EEF2K: variants seen among roughly 807,000 people sequenced by gnomAD.
EEF2K encodes alternative protein EEF2K.
A neutral mutation model predicts 93.8 loss-of-function variants in EEF2K; 70 were observed. The observed-to-expected ratio is 0.75, with a 90% confidence interval of 0.62 to 0.91. EEF2K has a LOEUF of 0.91. Among genes scored for constraint, EEF2K ranks in the 40% least tolerant of loss-of-function variants. The pLI, the probability that EEF2K is intolerant of heterozygous loss-of-function variation, is 0.00. For missense variants in EEF2K, 935 were observed against 972.9 expected, an observed-to-expected ratio of 0.96 and a Z score of 0.52; for synonymous variants, 376 against 380.8, an observed-to-expected ratio of 0.99 and a Z score of 0.15.
intron 2 of EEF2K, among the ~76,000 whole-genome samples, chr16:22,231,513 G>A (rs1327579309): frequency 6.6e-6 from 1 of 152,088 alleles, no homozygotes; most frequent in Non-Finnish European, 1.5e-5. Flanking sequence ...GTTAGTGGCA[G>A]TTCTCTCTAT....
At chr16:22,216,987 C>T (rs1190148751) in intron 1 of EEF2K, among the ~76,000 whole-genome samples, 1 of 151,332 alleles carries the variant, frequency 6.6e-6, no homozygotes, top group African/African-American at 2.4e-5. Flanking sequence ...TGGTGAAATC[C>T]CATCTCAACA....
chr16:22,233,659 A>G (rs543451518), intron 2 of EEF2K, among the ~76,000 whole-genome samples: 2 of 152,290 alleles, frequency 1.3e-5, no homozygotes, highest in Admixed American at 6.5e-5. Flanking sequence ...CCTTTAGCCT[A>G]GGCAACAGAG....
Position 22,236,846 on chromosome 16 carries a change from T to G in EEF2K, c.247-7784T>G, listed in dbSNP as rs187854171. On this transcript the variant is annotated intron_variant, in intron 2 of 17. Coordinates refer to ENST00000263026, the MANE Select transcript of EEF2K (RefSeq NM_013302.5). ...GATTTCACTATTATTTATTTTTATT[T>G]TGTACTCTCAGACTTTGAAGAACCA... 1.7e-3 allele frequency among the ~76,000 whole-genome samples: 256 copies of G among 151,864 alleles called. 2 individuals are homozygous for G. The highest frequency in any genetic ancestry group is 6.0e-3 in the African/African-American group (249 of 41,446).
intron 2 of EEF2K, among the ~76,000 whole-genome samples, chr16:22,238,252 A>G (rs1598176880): frequency 6.6e-6 from 1 of 152,004 alleles, no homozygotes; most frequent in Non-Finnish European, 1.5e-5. Context: ...GCGCCACTGC[A>G]CTCCAGCCTG....
At chr16:22,236,934 C>CTTTTTTTTTTT (rs71151665) in intron 2 of EEF2K, among the ~76,000 whole-genome samples, 1 of 56,174 alleles carries the variant, frequency 1.8e-5, no homozygotes. Context: ...CCACAGACCT[C>CTTTTTTTTTTT]TTTTTTTTTT....
chr16:22,287,960 T>C lies in EEF2K; in HGVS notation c.*3964T>C, dbSNP rs1440290744. 1 of 150,822 alleles carries C rather than the reference T, an allele frequency of 6.6e-6. No individual in the cohort carries two copies. The highest frequency in any genetic ancestry group is 2.4e-5 in the African/African-American group (1 of 40,846). The allele number at this position is 150,822 out of a possible 1,614,324, so 9.3% of individuals were successfully genotyped here. The stretch of plus-strand genomic sequence containing the variant: ...CCTCAGCCTCTCAAGTAGCTAAAAC[T>C]ACAGATGTGCACCATCACATCTGGC... On this transcript the variant is annotated 3_prime_UTR_variant, in exon 18 of 18. Coordinates refer to ENST00000263026, the MANE Select transcript of EEF2K (RefSeq NM_013302.5).
At chr16:22,278,067 C>T (rs112754964) in intron 16 of EEF2K, among the ~76,000 whole-genome samples, 1 of 151,934 alleles carries the variant, frequency 6.6e-6, no homozygotes, top group Non-Finnish European at 1.5e-5. Flanking sequence ...ATTAGCCAGG[C>T]GTGGTGACAT....
chr16:22,251,257 G>A lies in EEF2K; in HGVS notation c.553G>A (p.Val185Met), dbSNP rs759095840. Residue 185 changes from valine (V) to methionine (M), a missense_variant, in exon 6 of 18, where the codon GTG becomes ATG. Transcript: ENST00000263026. ...PVDRDVYFED[V>M]RLQMEAKLWG... is the part of the protein sequence containing the mutation. ...AGACCGGGATGTGTACTTTGAGGAC[G>A]TGCGTCTACAGATGGAGGCCAAGCT... The A allele has an allele frequency of 4.3e-6, 7 of 1,614,008 alleles. No homozygotes were observed. The East Asian group carries it at 6.7e-5, about 15-fold the overall frequency.
intron 3 of EEF2K, 41 bp from the exon 4 acceptor site, chr16:22,248,714 C>T (rs933373865): frequency 7.4e-6 from 12 of 1,610,916 alleles, no homozygotes; most frequent in East Asian, 6.7e-5. Context: ...AACAGGACCA[C>T]GTGATGGACG....
At chr16:22,271,593 G>A (rs2047583141) in intron 15 of EEF2K, among the ~76,000 whole-genome samples, 1 of 151,664 alleles carries the variant, frequency 6.6e-6, no homozygotes, top group Non-Finnish European at 1.5e-5. Flanking sequence ...CCAGCTACTT[G>A]GGAGAGTGAG....
In EEF2K at chr16:22,288,106, C is replaced by T. The variant is rs11863455; in HGVS notation, c.*4110C>T. The T allele has an allele frequency of 0.19, 29,324 of 152,020 alleles. 5,421 individuals are homozygous for T. Among genetic ancestry groups the T allele is most frequent in the African/African-American group, 0.49 (20,132 of 41,344 alleles). 9.4% of individuals were successfully genotyped at this position (152,020 alleles called of 1,614,324 possible). ...CAGGTTCAAGCGATTCTCCCTGTCT[C>T]GGCCTCCCGAGTAGCTGGGACTACA... On this transcript the variant is annotated 3_prime_UTR_variant, in exon 18 of 18. Transcript: ENST00000263026.
intron 4 of EEF2K, among the ~76,000 whole-genome samples, chr16:22,250,254 G>A (rs1471047171): frequency 2.0e-5 from 3 of 152,084 alleles, no homozygotes; most frequent in Non-Finnish European, 2.9e-5. Context: ...GGTTTTCATC[G>A]CTGCATGGTA....
At chr16:22,222,630 G>T (rs1298336455) in intron 1 of EEF2K, among the ~76,000 whole-genome samples, 3 of 150,976 alleles carry the variant, frequency 2.0e-5, no homozygotes, top group Non-Finnish European at 4.4e-5. Context: ...AGCACTTTGG[G>T]AGGCTGAGGT....
intron 16 of EEF2K, among the ~76,000 whole-genome samples, chr16:22,275,503 C>A (rs955970902): frequency 6.6e-6 from 1 of 151,304 alleles, no homozygotes; most frequent in African/African-American, 2.4e-5. Context: ...CCACTGTACC[C>A]GGCTAATTTT....
At chr16:22,243,732 G>T (rs1254716126) in intron 2 of EEF2K, among the ~76,000 whole-genome samples, 6 of 151,138 alleles carry the variant, frequency 4.0e-5, no homozygotes, top group Non-Finnish European at 8.8e-5. Context: ...CACCAGCCTG[G>T]CCAACATGAC....
At chr16:22,252,346 C>T (rs576219836) in intron 6 of EEF2K, among the ~76,000 whole-genome samples, 14 of 152,308 alleles carry the variant, frequency 9.2e-5, no homozygotes, top group South Asian at 2.1e-4. Flanking sequence ...TCTGGGTTGG[C>T]GTCATTCTCA....
In EEF2K at chr16:22,234,877, C is replaced by CCTTT. The variant is rs1275886599; in HGVS notation, c.246+8902_246+8903insCTTT. Among the ~76,000 whole-genome samples, 19 of 90,626 alleles carry CCTTT rather than the reference C, an allele frequency of 2.1e-4. No individual in the cohort carries two copies. The East Asian group carries it at 6.3e-3, about 30-fold the overall frequency. 59.5% of individuals were successfully genotyped at this position (90,626 alleles called of 152,430 possible). ...TTGCTAAGCATAATGTTTTTTGTTG[C>CCTTT]TTTTTTTTTTTTTTTTTTTTTTAGG... On this transcript the variant is annotated intron_variant, in intron 2 of 17. Coordinates refer to ENST00000263026, the MANE Select transcript of EEF2K (RefSeq NM_013302.5).
chr16:22,254,051 A>G (rs2047376248), intron 6 of EEF2K, among the ~76,000 whole-genome samples: 1 of 152,120 alleles, frequency 6.6e-6, no homozygotes, highest in African/African-American at 2.4e-5. Context: ...GTGAGCCGAG[A>G]TTGGGCTACT....
intron 16 of EEF2K, 89 bp downstream of exon 16, chr16:22,273,839 A>G: frequency 6.5e-7 from 1 of 1,538,186 alleles, no homozygotes; most frequent in South Asian, 1.2e-5. Flanking sequence ...CCTGGGTTCC[A>G]GTCTTGGCTG....
Sources: gnomAD v4.1 joint callset for allele counts (sites outside exome capture counted in the v4.1 genomes callset) on GRCh38, gnomAD v4.1.1 for gene constraint, MANE v1.5 for transcripts, NCBI Gene and HGNC (gene_info 2026-07-23, HGNC 2026-07-21) for gene names.